The following MYOM2 variants were observed in gnomAD, a reference collection of about 807,000 sequenced individuals.
The protein encoded by MYOM2 is myomesin-2.
A neutral mutation model predicts 187.6 loss-of-function variants in MYOM2; 254 were observed. The ratio of observed to expected loss-of-function variants is 1.35; its 90% CI spans 1.22 to 1.50. MYOM2 has a LOEUF of 1.50. Among genes scored for constraint, MYOM2 ranks in the 40% most tolerant of loss-of-function variants. The pLI is 0.00. For synonymous variants in MYOM2, 981 were observed against 753.8 expected, an observed-to-expected ratio of 1.30 and a Z score of -4.94; for missense variants, 2,796 against 1,924.0, an observed-to-expected ratio of 1.45 and a Z score of -8.48.
chr8:2,092,904 G>C (rs1348629258), intron 16 of MYOM2, among the ~76,000 whole-genome samples: 3 of 152,070 alleles, frequency 2.0e-5, no homozygotes, highest in Non-Finnish European at 4.4e-5. Context: ...TCATGTGCCT[G>C]GTAGTTCTAT....
At chr8:2,052,636 G>C (rs918133104) in intron 3 of MYOM2, among the ~76,000 whole-genome samples, 4 of 152,208 alleles carry the variant, frequency 2.6e-5, no homozygotes, top group African/African-American at 4.8e-5. Flanking sequence ...TAGAGCTCCA[G>C]GGTCCGTGGC....
intron 19 of MYOM2, among the ~76,000 whole-genome samples, chr8:2,099,704 G>A (rs2116769450): frequency 6.6e-6 from 1 of 152,328 alleles, no homozygotes; most frequent in African/African-American, 2.4e-5. Context: ...ACAGGTTCAT[G>A]TCACCATGCC....
intron 30 of MYOM2, 33 bp from the exon 31 acceptor site, chr8:2,124,146 G>T: frequency 1.3e-6 from 2 of 1,599,326 alleles, no homozygotes; most frequent in Non-Finnish European, 8.5e-7. Flanking sequence ...AAAGTTACAT[G>T]TCGTAATGGT....
At chr8:2,072,947 T>C (rs912858735) in intron 9 of MYOM2, among the ~76,000 whole-genome samples, 3 of 152,204 alleles carry the variant, frequency 2.0e-5, no homozygotes, top group Non-Finnish European at 2.9e-5. Flanking sequence ...GCTGGGTTCT[T>C]TGGAGATGTG....
chr8:2,112,075 C>A (rs536703829), intron 25 of MYOM2, among the ~76,000 whole-genome samples: 1 of 152,262 alleles, frequency 6.6e-6, no homozygotes, highest in African/African-American at 2.4e-5. Flanking sequence ...GGAGCTTGGG[C>A]GGTCCTCTTC....
chr8:2,068,421 A>G (rs1423924573), intron 6 of MYOM2, among the ~76,000 whole-genome samples: 2 of 147,216 alleles, frequency 1.4e-5, no homozygotes, highest in African/African-American at 2.6e-5. Context: ...CCAGGTGGAG[A>G]GCATCCTGGG....
chr8:2,084,942 G>A (rs1190257223), intron 13 of MYOM2: 4 of 322,346 alleles, frequency 1.2e-5, no homozygotes. Context: ...CACAGTCAGA[G>A]CCCCATTTCG....
chr8:2,096,492 G>A (rs1796491132), intron 18 of MYOM2, 58 bp downstream of exon 18: 4 of 1,543,610 alleles, frequency 2.6e-6, no homozygotes, highest in Non-Finnish European at 3.5e-6. Flanking sequence ...TACATTTTTG[G>A]CAATGTTTCT....
chr8:2,113,982 T>G (rs1797152835), intron 25 of MYOM2, among the ~76,000 whole-genome samples: 1 of 151,812 alleles, frequency 6.6e-6, no homozygotes, highest in Non-Finnish European at 1.5e-5. Context: ...GGTGGATAGG[T>G]AGGGTGGGGA....
chr8:2,089,683 T>A (rs1563450370), intron 14 of MYOM2, among the ~76,000 whole-genome samples: 2 of 152,220 alleles, frequency 1.3e-5, no homozygotes, highest in African/African-American at 4.8e-5. Flanking sequence ...TTATCTTTCA[T>A]TATTTGCAGG....
At position 2,092,538 on chromosome 8, in the gene MYOM2, A is replaced by G; in HGVS notation, c.2003+18A>G. The G allele has an allele frequency of 6.2e-7, 1 of 1,612,078 alleles. No individual in the cohort carries two copies. The highest frequency in any genetic ancestry group is 1.3e-5 in the African/African-American group (1 of 74,968). The stretch of plus-strand genomic sequence containing the variant: ...TACAACAGGTGCGGCCTCCCTCCCC[A>G]GCCCTGGAGTCAGCCTTGCAGGAGT... On this transcript the variant is annotated intron_variant, in intron 16 of 36. Transcript: ENST00000262113.
intron 36 of MYOM2, 132 bp downstream of exon 36, chr8:2,143,588 G>T (rs1798354226): frequency 1.8e-6 from 2 of 1,094,896 alleles, no homozygotes; most frequent in Admixed American, 3.9e-5. Flanking sequence ...AGGGAACCCA[G>T]AGTCCCCCCC....
Position 2,050,817 on chromosome 8 carries a change from C to T in MYOM2, c.51C>T (p.Asp17=). The T allele has an allele frequency of 1.9e-6, 3 of 1,613,672 alleles. No homozygotes were observed. The highest frequency in any genetic ancestry group is 2.5e-6 in the Non-Finnish European group (3 of 1,179,558). Residue 17 remains aspartate (D), a synonymous_variant, in exon 2 of 37, where the codon GAC becomes GAT. Transcript: ENST00000262113. The part of the protein sequence containing the change: ...PFYQKRHRHF[D]QSYRNIQTRY... ...ACCAGAAGAGACATAGGCACTTCGA[C>T]CAGTCCTACCGTAATATTCAAACAC...
Position 2,106,286 on chromosome 8 carries a change from T to C in MYOM2, c.2779T>C (p.Tyr927His), listed in dbSNP as rs1168799395. ...SAGVDEQGNI[Y>H]LGFDCQEMTD... ...TGGTGTCGATGAACAAGGCAACATC[T>C]ATCTGGGCTTCGACTGCCAGGAAAT... The change falls in exon 22 of 37, where the codon TAT becomes CAT. Residue 927 changes from tyrosine to histidine, a missense_variant. Physicochemically the swap from Tyr to His is moderately conservative, Grantham distance 83. Transcript: ENST00000262113. 1 of 1,614,162 alleles carries C rather than the reference T, an allele frequency of 6.2e-7. No individual in the cohort carries two copies. Among genetic ancestry groups the C allele is most frequent in the Non-Finnish European group, 8.5e-7 (1 of 1,180,022 alleles).
intron 17 of MYOM2, among the ~76,000 whole-genome samples, chr8:2,095,939 ATCT>A (rs1489410292): frequency 1.4e-4 from 22 of 152,368 alleles, no homozygotes; most frequent in African/African-American, 3.8e-4. Context: ...AAGACAGAAC[ATCT>A]TCTGCTGTGT....
At chr8:2,090,912 T>C (rs1286105208) in intron 15 of MYOM2, among the ~76,000 whole-genome samples, 1 of 152,148 alleles carries the variant, frequency 6.6e-6, no homozygotes, top group Non-Finnish European at 1.5e-5. Flanking sequence ...ATTGTGTGAA[T>C]AGTGCTGCAA....
chr8:2,107,426 A>T (rs1334849428), intron 23 of MYOM2, among the ~76,000 whole-genome samples: 1 of 152,172 alleles, frequency 6.6e-6, no homozygotes, highest in African/African-American at 2.4e-5. Flanking sequence ...AAGGTTTACA[A>T]GCAGATCCTT....
At chr8:2,108,880 G>A (rs200456040) in intron 24 of MYOM2, 50 bp downstream of exon 24, 2 of 1,586,046 alleles carry the variant, frequency 1.3e-6, no homozygotes, top group Non-Finnish European at 8.6e-7. Context: ...CTGGCTGGAG[G>A]GCCGTGTTCA....
At chr8:2,052,349 T>C (rs780522259) in intron 3 of MYOM2, 36 bp downstream of exon 3, 3 of 1,564,000 alleles carry the variant, frequency 1.9e-6, no homozygotes, top group Non-Finnish European at 2.6e-6. Context: ...ACTTGTGCCC[T>C]GCGTGGGGTC....
Sources: gnomAD v4.1 joint callset for allele counts (sites outside exome capture counted in the v4.1 genomes callset) on GRCh38, gnomAD v4.1.1 for gene constraint, MANE v1.5 for transcripts, NCBI Gene and HGNC (gene_info 2026-07-23, HGNC 2026-07-21) for gene names.